Variants in STPG2 observed in about 807,000 individuals in gnomAD.
The protein encoded by STPG2 is sperm tail PG-rich repeat containing 2.
STPG2 carries 56 observed loss-of-function variants against 54.2 expected under a neutral mutation model. The observed-to-expected ratio is 1.03, with a 90% CI of 0.83 to 1.29. The LOEUF (loss-of-function observed/expected upper bound fraction) is 1.29, where lower values mean the gene tolerates loss of function less well. Among genes scored for constraint, STPG2 ranks in the 50% most tolerant of loss-of-function variants. STPG2 has a pLI of 0.00. For synonymous variants in STPG2, 200 were observed against 181.8 expected (o/e 1.10, Z -0.81); for missense variants, 596 against 544.9 (o/e 1.09, Z -0.93).
intron 8 of STPG2, among the ~76,000 whole-genome samples, chr4:97,906,237 C>G (rs1731412659): frequency 6.6e-6 from 1 of 152,192 alleles, no homozygotes; most frequent in South Asian, 2.1e-4. Flanking sequence ...ACTACAAACA[C>G]CTCTACGCAA....
Position 97,738,823 on chromosome 4 carries a change from G to C in STPG2, c.1205-26009C>G, listed in dbSNP as rs563689040. Among the ~76,000 whole-genome samples, 4 of 152,148 alleles carry C rather than the reference G, an allele frequency of 2.6e-5. No individual in the cohort carries two copies. In the South Asian group the frequency reaches 8.3e-4, roughly 32 times the overall value. ...ATCAACAAGACAGAAAGTCAACAAG[G>C]ATACCCAGGAATTGAACTCAGCTCT... On this transcript the variant is annotated intron_variant, in intron 9 of 10. Transcript: ENST00000295268.
At chr4:97,804,256 G>A (rs895727089) in intron 9 of STPG2, among the ~76,000 whole-genome samples, 1 of 151,842 alleles carries the variant, frequency 6.6e-6, no homozygotes, top group South Asian at 2.1e-4. Flanking sequence ...ATACACAATC[G>A]TGAGCTGCAA....
intron 10 of STPG2, among the ~76,000 whole-genome samples, chr4:97,649,773 T>C (rs2148952247): frequency 6.6e-6 from 1 of 152,218 alleles, no homozygotes; most frequent in East Asian, 1.9e-4. Flanking sequence ...TCCCCAACCT[T>C]CTTGGCACCA....
intron 3 of STPG2, among the ~76,000 whole-genome samples, chr4:98,110,462 C>T (rs1465491740): frequency 6.6e-6 from 1 of 152,120 alleles, no homozygotes; most frequent in Non-Finnish European, 1.5e-5. Flanking sequence ...TGTACAACTC[C>T]AGTAAACACA....
At chr4:98,012,966 G>T (rs1176474908) in intron 5 of STPG2, among the ~76,000 whole-genome samples, 3 of 152,180 alleles carry the variant, frequency 2.0e-5, no homozygotes, top group Non-Finnish European at 4.4e-5. Context: ...TGATGGCCCT[G>T]GCCAGAACTT....
chr4:97,922,460 C>T (rs935880110), intron 8 of STPG2, among the ~76,000 whole-genome samples: 2 of 152,130 alleles, frequency 1.3e-5, no homozygotes, highest in Admixed American at 1.3e-4. Flanking sequence ...TGTGTCTCCT[C>T]ATTTTGAAGA....
intron 4 of STPG2, among the ~76,000 whole-genome samples, chr4:97,500,784 C>T (rs1246247285): frequency 2.0e-5 from 3 of 151,886 alleles, no homozygotes; most frequent in Non-Finnish European, 2.9e-5. Flanking sequence ...TGTAGCCACA[C>T]GGTGATTACT....
chr4:97,903,615 T>C lies in STPG2; in HGVS notation c.1044+40282A>G, dbSNP rs1388380573. ...AAAAAAAGAGGGGAAGGAGCCAAGA[T>C]GGCCGAATAGCAACAGCTCCCAGCG... On this transcript the variant is annotated intron_variant, in intron 8 of 10. Transcript: ENST00000295268. 2.0e-5 allele frequency among the ~76,000 whole-genome samples: 3 copies of C among 152,312 alleles called. No homozygotes were observed. In the South Asian group the frequency reaches 6.2e-4, roughly 32 times the overall value.
At chr4:97,513,338 G>T (rs909306992) in intron 4 of STPG2, among the ~76,000 whole-genome samples, 6 of 151,982 alleles carry the variant, frequency 3.9e-5, no homozygotes, top group Non-Finnish European at 7.4e-5. Flanking sequence ...TTTTTATGGA[G>T]ACTTCATTAC....
intron 10 of STPG2, among the ~76,000 whole-genome samples, chr4:97,657,628 G>A (rs757523745): frequency 2.0e-5 from 3 of 152,106 alleles, no homozygotes; most frequent in South Asian, 2.1e-4. Flanking sequence ...AGAATTGACC[G>A]ATATCTACTC....
intron 10 of STPG2, among the ~76,000 whole-genome samples, chr4:97,618,138 C>G (rs1463455486): frequency 6.6e-6 from 1 of 152,130 alleles, no homozygotes; most frequent in Non-Finnish European, 1.5e-5. Context: ...CTTGGCCTGT[C>G]TTACTGATAG....
intron 5 of STPG2, among the ~76,000 whole-genome samples, chr4:98,004,823 T>A (rs1384054671): frequency 6.6e-6 from 1 of 152,184 alleles, no homozygotes; most frequent in East Asian, 1.9e-4. Flanking sequence ...TTTGCCCATT[T>A]TAAAAATCAG....
At position 97,637,110 on chromosome 4, in the gene STPG2, C is replaced by T. The variant is rs1219886874; in HGVS notation, c.1320+75589G>A. On this transcript the variant is annotated intron_variant, in intron 10 of 10. Coordinates refer to ENST00000295268, the MANE Select transcript of STPG2 (RefSeq NM_174952.3). ...AATCCTCAATAAAATACTGGCAAAC[C>T]GAATCCAGCAGCACATCAAAAAGCT... is the stretch of plus-strand genomic sequence containing the variant. Among the ~76,000 whole-genome samples, 26 of 151,988 alleles carry T rather than the reference C, an allele frequency of 1.7e-4. No individual in the cohort carries two copies. In the East Asian group the frequency reaches 3.1e-3, roughly 18 times the overall value.
chr4:98,134,287 G>T (rs1740075124), intron 2 of STPG2, 60 bp downstream of exon 2: 2 of 817,874 alleles, frequency 2.4e-6, no homozygotes, highest in Non-Finnish European at 1.8e-6. Flanking sequence ...AATGACATTT[G>T]GTCTATTCAG....
At chr4:98,086,878 A>G (rs1345009827) in intron 5 of STPG2, among the ~76,000 whole-genome samples, 1 of 152,146 alleles carries the variant, frequency 6.6e-6, no homozygotes, top group Non-Finnish European at 1.5e-5. Flanking sequence ...CAACCAACCC[A>G]AACAATCCAG....
intron 4 of STPG2, among the ~76,000 whole-genome samples, chr4:97,482,439 G>A (rs912021650): frequency 1.3e-5 from 2 of 151,488 alleles, no homozygotes; most frequent in Non-Finnish European, 3.0e-5. Flanking sequence ...AAATAGAATT[G>A]AATGAGTAGA....
At chr4:97,999,273 G>A (rs1735336588) in intron 5 of STPG2, among the ~76,000 whole-genome samples, 1 of 152,150 alleles carries the variant, frequency 6.6e-6, no homozygotes. Context: ...GCTTGCAAGT[G>A]GTTGGGACAG....
chr4:97,724,543 C>T (rs1724558013), intron 9 of STPG2, among the ~76,000 whole-genome samples: 1 of 152,114 alleles, frequency 6.6e-6, no homozygotes, highest in African/African-American at 2.4e-5. Context: ...AGAACTGTTA[C>T]TGGCTGTGTA....
intron 10 of STPG2, among the ~76,000 whole-genome samples, chr4:97,615,325 T>A (rs911989470): frequency 6.6e-6 from 1 of 152,156 alleles, no homozygotes; most frequent in African/African-American, 2.4e-5. Context: ...AAATACACAT[T>A]TTTCATGAAC....
Sources: allele counts gnomAD v4.1 joint callset (sites outside exome capture counted in the v4.1 genomes callset), GRCh38; gene constraint gnomAD v4.1.1; transcripts MANE v1.5; gene names NCBI Gene and HGNC (gene_info 2026-07-23, HGNC 2026-07-21).